The following PTPRK variants were observed in gnomAD, a reference collection of about 807,000 sequenced individuals.
PTPRK encodes protein tyrosine phosphatase receptor type K, also known as receptor-type tyrosine-protein phosphatase kappa.
Under a neutral mutation model 178.0 loss-of-function variants are expected in PTPRK, and 75 were observed. The observed-to-expected ratio is 0.42, with a 90% CI of 0.35 to 0.51. PTPRK has a LOEUF of 0.51. Among genes scored for constraint, PTPRK ranks in the 20% least tolerant of loss-of-function variants. The probability of loss-of-function intolerance (pLI) is 0.02; values close to 1 mark genes in which losing one functional copy is unlikely to be tolerated. For missense variants in PTPRK, 1,441 were observed against 1,797.8 expected, an observed-to-expected ratio of 0.80 and a Z score of 3.59; for synonymous variants, 637 against 620.6, an observed-to-expected ratio of 1.03 and a Z score of -0.39.
At chr6:128,157,867 T>C (rs1292331676) in intron 7 of PTPRK, among the ~76,000 whole-genome samples, 1 of 152,170 alleles carries the variant, frequency 6.6e-6, no homozygotes, top group Admixed American at 6.6e-5. Context: ...TTGCAAAAAT[T>C]TTCTCCCATT....
At chr6:128,338,172 G>A (rs764987474) in intron 2 of PTPRK, among the ~76,000 whole-genome samples, 5 of 152,152 alleles carry the variant, frequency 3.3e-5, no homozygotes, top group Non-Finnish European at 7.3e-5. Flanking sequence ...TAAAACATAT[G>A]AGTGATAGGG....
chr6:128,475,973 G>A (rs1459252343), intron 1 of PTPRK, among the ~76,000 whole-genome samples: 1 of 152,014 alleles, frequency 6.6e-6, no homozygotes, highest in Non-Finnish European at 1.5e-5. Flanking sequence ...ATTCTACTAA[G>A]TCTTTGAACT....
chr6:128,130,258 T>G (rs1317581529), intron 7 of PTPRK, among the ~76,000 whole-genome samples: 1 of 152,194 alleles, frequency 6.6e-6, no homozygotes, highest in Non-Finnish European at 1.5e-5. Context: ...AATCTATTTC[T>G]GCAAACATTA....
At chr6:128,314,613 T>G (rs895530480) in intron 3 of PTPRK, among the ~76,000 whole-genome samples, 1 of 152,170 alleles carries the variant, frequency 6.6e-6, no homozygotes, top group Non-Finnish European at 1.5e-5. Context: ...GAGCTTTAAA[T>G]AGACAATTTT....
chr6:128,319,758 T>G (rs1391118149), intron 3 of PTPRK, among the ~76,000 whole-genome samples: 1 of 152,180 alleles, frequency 6.6e-6, no homozygotes, highest in Non-Finnish European at 1.5e-5. Context: ...GATTTAATGT[T>G]TTTCATGTTA....
chr6:128,401,266 G>A (rs542961878), intron 1 of PTPRK, among the ~76,000 whole-genome samples: 5 of 152,176 alleles, frequency 3.3e-5, no homozygotes, highest in Middle Eastern at 3.4e-3. Context: ...GAAACTGCTC[G>A]GTGAAAAATG....
chr6:128,413,317 A>G (rs182486474), intron 1 of PTPRK, among the ~76,000 whole-genome samples: 66 of 152,274 alleles, frequency 4.3e-4, no homozygotes, highest in Non-Finnish European at 3.5e-4. Context: ...GGTCCCTTTC[A>G]TGAATTCCAT....
chr6:128,102,218 T>C (rs948944635), intron 7 of PTPRK, among the ~76,000 whole-genome samples: 8 of 152,216 alleles, frequency 5.3e-5, no homozygotes, highest in Non-Finnish European at 1.2e-4. Flanking sequence ...CAAGAACAAG[T>C]ATCTTTATCA....
At chr6:128,093,006 G>T (rs976574456) in intron 7 of PTPRK, among the ~76,000 whole-genome samples, 2 of 151,860 alleles carry the variant, frequency 1.3e-5, no homozygotes, top group Non-Finnish European at 1.5e-5. Context: ...TAACCTACAG[G>T]GTCAGTGACT....
chr6:128,402,948 G>A (rs934324751), intron 1 of PTPRK, among the ~76,000 whole-genome samples: 1 of 152,162 alleles, frequency 6.6e-6, no homozygotes, highest in African/African-American at 2.4e-5. Context: ...TGCCCTGCTT[G>A]TAGTTAATTA....
At chr6:128,237,928 A>C (rs1448112005) in intron 5 of PTPRK, 1 of 389,028 alleles carries the variant, frequency 2.6e-6, no homozygotes, top group East Asian at 7.8e-5. Context: ...TATCTGGTTC[A>C]TTTTTAAATA....
intron 1 of PTPRK, among the ~76,000 whole-genome samples, chr6:128,508,809 T>C (rs981074215): frequency 5.9e-5 from 9 of 151,888 alleles, no homozygotes; most frequent in Non-Finnish European, 1.2e-4. Flanking sequence ...CCGGGCATGG[T>C]GGAGGCAGGT....
chr6:128,353,260 G>C (rs1193319787), intron 2 of PTPRK, among the ~76,000 whole-genome samples: 1 of 152,158 alleles, frequency 6.6e-6, no homozygotes, highest in South Asian at 2.1e-4. Context: ...ATACATTGCT[G>C]ATGGGAATGT....
intron 6 of PTPRK, among the ~76,000 whole-genome samples, chr6:128,196,974 G>GT (rs1804961775): frequency 6.6e-6 from 1 of 152,078 alleles, no homozygotes; most frequent in Non-Finnish European, 1.5e-5. Context: ...ATCAGTGGAT[G>GT]TAAGACGAAT....
chr6:128,321,354 T>C (rs748856387), intron 3 of PTPRK: 1 of 159,482 alleles, frequency 6.3e-6, no homozygotes. Context: ...TAAATGAACC[T>C]TTTTTTTGTT....
At chr6:128,375,021 A>G (rs914145763) in intron 2 of PTPRK, among the ~76,000 whole-genome samples, 1 of 150,880 alleles carries the variant, frequency 6.6e-6, no homozygotes, top group Admixed American at 6.6e-5. Context: ...CACATCTTTT[A>G]GGTCTTTAAT....
intron 6 of PTPRK, among the ~76,000 whole-genome samples, chr6:128,214,280 T>G (rs1210063072): frequency 2.0e-5 from 3 of 152,060 alleles, no homozygotes; most frequent in Non-Finnish European, 4.4e-5. Flanking sequence ...ATTGACCAAA[T>G]AAGCTACGAT....
chr6:128,441,694 C>G (rs1474756499), intron 1 of PTPRK, among the ~76,000 whole-genome samples: 7 of 152,154 alleles, frequency 4.6e-5, no homozygotes, highest in Admixed American at 3.9e-4. Flanking sequence ...CAAGGATTCA[C>G]AAGATGGATT....
intron 1 of PTPRK, among the ~76,000 whole-genome samples, chr6:128,512,929 A>G (rs997284893): frequency 1.8e-4 from 27 of 152,240 alleles, no homozygotes; most frequent in Admixed American, 1.8e-3. Context: ...TAGTAATGTC[A>G]GAGGGAATAG....
Sources: allele counts gnomAD v4.1 joint callset (sites outside exome capture counted in the v4.1 genomes callset), GRCh38; gene constraint gnomAD v4.1.1; transcripts MANE v1.5; gene names NCBI Gene and HGNC (gene_info 2026-07-23, HGNC 2026-07-21).